RANBP17: variants seen among roughly 807,000 people sequenced by gnomAD.
RANBP17 encodes the protein RAN binding protein 17.
Under a neutral mutation model 141.2 loss-of-function variants are expected in RANBP17, and 158 were observed. That is an observed-to-expected ratio of 1.12 (90% confidence interval 0.98 to 1.28). The LOEUF (loss-of-function observed/expected upper bound fraction) is 1.28, where lower values mean the gene tolerates loss of function less well. RANBP17 is among the 50% of genes most tolerant of loss of function. The pLI is 0.00. For synonymous variants in RANBP17, 430 were observed against 450.0 expected, an observed-to-expected ratio of 0.96 and a Z score of 0.56; for missense variants, 1,438 against 1,290.7, an observed-to-expected ratio of 1.11 and a Z score of -1.75.
At chr5:170,990,220 A>C (rs952500287) in intron 14 of RANBP17, among the ~76,000 whole-genome samples, 4 of 151,896 alleles carry the variant, frequency 2.6e-5, no homozygotes, top group East Asian at 1.9e-4. Flanking sequence ...TTTAGATTCT[A>C]CTACACATAA....
intron 14 of RANBP17, among the ~76,000 whole-genome samples, chr5:171,062,588 T>C (rs1262916890): frequency 1.3e-5 from 2 of 152,164 alleles, no homozygotes; most frequent in East Asian, 3.9e-4. Flanking sequence ...TGGCTGCCCT[T>C]AAAATTTTTT....
At chr5:171,061,676 G>C (rs1213296820) in intron 14 of RANBP17, among the ~76,000 whole-genome samples, 1 of 152,150 alleles carries the variant, frequency 6.6e-6, no homozygotes, top group Non-Finnish European at 1.5e-5. Flanking sequence ...GTGTCTATTA[G>C]GTCCGCTTGG....
intron 14 of RANBP17, among the ~76,000 whole-genome samples, chr5:171,002,392 G>A (rs1779277744): frequency 6.6e-6 from 1 of 152,154 alleles, no homozygotes. Context: ...GTTGCCCTGA[G>A]TGATGGGATC....
intron 12 of RANBP17, among the ~76,000 whole-genome samples, chr5:170,933,145 T>C (rs1773545552): frequency 1.3e-5 from 2 of 152,204 alleles, no homozygotes; most frequent in South Asian, 4.1e-4. Flanking sequence ...CTTGGGAGGG[T>C]GTATGTGTCC....
At chr5:170,988,366 G>C (rs1234236006) in intron 14 of RANBP17, among the ~76,000 whole-genome samples, 1 of 104,334 alleles carries the variant, frequency 9.6e-6, no homozygotes, top group Non-Finnish European at 2.1e-5. Flanking sequence ...CTATCTTTTA[G>C]TGTTTGATTT....
chr5:171,030,016 C>A (rs1195453196), intron 14 of RANBP17, among the ~76,000 whole-genome samples: 4 of 151,928 alleles, frequency 2.6e-5, no homozygotes, highest in African/African-American at 9.7e-5. Context: ...ATAAATTGGG[C>A]ATTTATTTCT....
intron 14 of RANBP17, among the ~76,000 whole-genome samples, chr5:171,051,038 T>C (rs2127651923): frequency 6.6e-6 from 1 of 152,282 alleles, no homozygotes; most frequent in African/African-American, 2.4e-5. Context: ...TGATAAAAAT[T>C]CCATGTTCAT....
intron 20 of RANBP17, among the ~76,000 whole-genome samples, chr5:171,208,285 A>G (rs1462374195): frequency 1.3e-5 from 2 of 152,224 alleles, no homozygotes; most frequent in Non-Finnish European, 2.9e-5. Context: ...CACAAACTAC[A>G]TTGCTTTTCA....
Position 171,195,523 on chromosome 5 carries a change from C to T in RANBP17, c.2039-4147C>T, listed in dbSNP as rs552307371. Reference sequence around the variant, plus strand: ...TTTCTATAGTATAATGCACCAATGTCTTATATTTGCCTACTTTAAACCCAA... The same window carrying T: ...TTTCTATAGTATAATGCACCAATGTTTTATATTTGCCTACTTTAAACCCAA... On this transcript the variant is annotated intron_variant, in intron 18 of 27. Transcript: ENST00000523189. 1.2e-3 allele frequency among the ~76,000 whole-genome samples: 177 copies of T among 152,318 alleles called. 1 individual carries two copies. The highest frequency in any genetic ancestry group is 4.1e-3 in the African/African-American group (170 of 41,570).
chr5:170,900,833 T>A (rs1370584843), intron 5 of RANBP17, among the ~76,000 whole-genome samples: 1 of 152,202 alleles, frequency 6.6e-6, no homozygotes, highest in African/African-American at 2.4e-5. Flanking sequence ...TTTGAGTGAG[T>A]TTCTTAATCC....
chr5:171,285,190 T>C (rs572162068), intron 25 of RANBP17, among the ~76,000 whole-genome samples: 1 of 152,362 alleles, frequency 6.6e-6, no homozygotes, highest in Non-Finnish European at 1.5e-5. Flanking sequence ...CTTTTAAGAT[T>C]CAACTTAAAA....
intron 14 of RANBP17, among the ~76,000 whole-genome samples, chr5:171,101,547 T>A (rs911107748): frequency 1.2e-4 from 19 of 152,204 alleles, no homozygotes; most frequent in African/African-American, 4.6e-4. Flanking sequence ...CTTGACTCTA[T>A]CCAGTTTTCC....
At chr5:171,007,489 G>T (rs969795858) in intron 14 of RANBP17, among the ~76,000 whole-genome samples, 1 of 151,992 alleles carries the variant, frequency 6.6e-6, no homozygotes, top group African/African-American at 2.4e-5. Context: ...AGGTCAGATG[G>T]GTCAGTAGAA....
chr5:170,979,020 C>A (rs1777582692), intron 14 of RANBP17, among the ~76,000 whole-genome samples: 1 of 151,980 alleles, frequency 6.6e-6, no homozygotes, highest in Admixed American at 6.6e-5. Context: ...TTGGGTAACT[C>A]TATAAAACCA....
At chr5:171,034,007 G>A (rs1040600845) in intron 14 of RANBP17, among the ~76,000 whole-genome samples, 2 of 152,146 alleles carry the variant, frequency 1.3e-5, no homozygotes, top group African/African-American at 4.8e-5. Context: ...AGCTTCTCAG[G>A]AGACTGAAAC....
chr5:171,165,405 T>A (rs1759624868), intron 14 of RANBP17, among the ~76,000 whole-genome samples: 1 of 152,150 alleles, frequency 6.6e-6, no homozygotes, highest in Non-Finnish European at 1.5e-5. Flanking sequence ...CTCGAACTCC[T>A]GAGCTCAAGC....
intron 27 of RANBP17, among the ~76,000 whole-genome samples, chr5:171,296,405 G>T (rs987495629): frequency 6.6e-6 from 1 of 152,174 alleles, no homozygotes; most frequent in Non-Finnish European, 1.5e-5. Context: ...CCGAGATACA[G>T]CTGAGTTAGG....
intron 26 of RANBP17, among the ~76,000 whole-genome samples, chr5:171,295,075 T>C (rs1302789563): frequency 6.6e-6 from 1 of 152,328 alleles, no homozygotes; most frequent in East Asian, 1.9e-4. Flanking sequence ...TTATGTGTGT[T>C]TTTTGATGTA....
At chr5:171,196,029 C>T (rs887500736) in intron 18 of RANBP17, among the ~76,000 whole-genome samples, 1 of 152,200 alleles carries the variant, frequency 6.6e-6, no homozygotes, top group Non-Finnish European at 1.5e-5. Context: ...ACTGGGGATA[C>T]TCTGTGATGG....
Sources: gnomAD v4.1 joint callset for allele counts (sites outside exome capture counted in the v4.1 genomes callset) on GRCh38, gnomAD v4.1.1 for gene constraint, MANE v1.5 for transcripts, NCBI Gene and HGNC (gene_info 2026-07-23, HGNC 2026-07-21) for gene names.